Variants in SYNE1 observed in about 807,000 individuals in gnomAD.
The protein encoded by SYNE1 is nesprin-1.
SYNE1 carries 616 observed loss-of-function variants against 1,111.0 expected under a neutral mutation model. The ratio of observed to expected loss-of-function variants is 0.55; its 90% CI spans 0.52 to 0.59. The LOEUF is 0.59. Ranked by LOEUF, SYNE1 falls within the 20% of genes least tolerant of loss-of-function variation. The pLI, the probability that SYNE1 is intolerant of heterozygous loss-of-function variation, is 0.00. For missense variants in SYNE1, 10,006 were observed against 10,417.0 expected, an observed-to-expected ratio of 0.96 and a Z score of 1.72; for synonymous variants, 3,855 against 3,825.8, an observed-to-expected ratio of 1.01 and a Z score of -0.28.
chr6:152,612,987 G>A (rs1372023094), intron 3 of SYNE1, among the ~76,000 whole-genome samples: 3 of 152,092 alleles, frequency 2.0e-5, no homozygotes, highest in South Asian at 4.1e-4. Context: ...AGGTATTGAG[G>A]GAACATATCT....
chr6:152,232,037 C>A (rs1166589151), intron 113 of SYNE1, 79 bp downstream of exon 113: 1 of 1,102,202 alleles, frequency 9.1e-7, no homozygotes, highest in African/African-American at 1.6e-5. Context: ...GACTTGATTA[C>A]CATAATTTGA....
chr6:152,271,914 T>TGAA (rs1589133197), intron 98 of SYNE1, among the ~76,000 whole-genome samples: 1 of 152,334 alleles, frequency 6.6e-6, no homozygotes, highest in East Asian at 1.9e-4. Context: ...GAGCCCGGCC[T>TGAA]GAAGACTCCC....
chr6:152,342,550 C>T (rs1284878837), intron 74 of SYNE1, among the ~76,000 whole-genome samples: 1 of 152,086 alleles, frequency 6.6e-6, no homozygotes, highest in Non-Finnish European at 1.5e-5. Context: ...AAGTATACTT[C>T]GGGGGACAAA....
rs980063942 is a variant in SYNE1 at position 152,189,706 on chromosome 6, T to G, written c.23146-299A>C. 1.4e-4 allele frequency among the ~76,000 whole-genome samples: 21 copies of G among 152,338 alleles called. 1 individual carries two copies. Among genetic ancestry groups the G allele is most frequent in the African/African-American group, 5.1e-4 (21 of 41,582 alleles). On this transcript the variant is annotated intron_variant, in intron 127 of 145. Transcript: ENST00000367255. ...AATAGCATATGTCTAAAAAAACCAA[T>G]GTACATACCTTAATTTAAAAATACT...
chr6:152,270,283 T>C (rs2093093826), intron 98 of SYNE1, among the ~76,000 whole-genome samples: 1 of 152,200 alleles, frequency 6.6e-6, no homozygotes, highest in East Asian at 1.9e-4. Context: ...AAAAAAGTCA[T>C]TTACTGTGGG....
chr6:152,590,594 T>C lies in SYNE1; in HGVS notation c.67+37671A>G, dbSNP rs566263565. 7.4e-4 allele frequency among the ~76,000 whole-genome samples: 112 copies of C among 152,280 alleles called. 1 individual carries two copies. Among genetic ancestry groups the C allele is most frequent in the Non-Finnish European group, 2.5e-4 (17 of 68,020 alleles). ...TTTCTTGTTGCCAAGTGCAAAATAA[T>C]AGTCTTATCTTTGTGGGTGTGGTTC... On this transcript the variant is annotated intron_variant, in intron 3 of 145. Transcript: ENST00000367255.
intron 104 of SYNE1, among the ~76,000 whole-genome samples, chr6:152,254,621 C>T (rs2153617820): frequency 6.6e-6 from 1 of 152,216 alleles, no homozygotes; most frequent in Admixed American, 6.5e-5. Flanking sequence ...TTATAATGAT[C>T]CATAAATTTG....
chr6:152,369,582 T>G lies in SYNE1; in HGVS notation c.9540A>C (p.Val3180=). 1 of 1,614,200 alleles carries G rather than the reference T, an allele frequency of 6.2e-7. No homozygotes were observed. The highest frequency in any genetic ancestry group is 8.5e-7 in the Non-Finnish European group (1 of 1,180,030). ...GCCAGTCCTGGATAGGCTCAGCACT[T>G]ACTTCAAAGTCCTTCATTTGGATCT... is the stretch of plus-strand genomic sequence containing the variant. The part of the protein sequence containing the change: ...NLKIQMKDFE[V]SAEPIQDWLS... Residue 3180 remains valine (V), a synonymous_variant, in exon 60 of 146, where the codon GTA becomes GTC. Coordinates refer to ENST00000367255, the MANE Select transcript of SYNE1 (RefSeq NM_182961.4).
intron 10 of SYNE1, among the ~76,000 whole-genome samples, chr6:152,500,169 G>A (rs1349005249): frequency 6.6e-6 from 1 of 152,180 alleles, no homozygotes; most frequent in Non-Finnish European, 1.5e-5. Context: ...AAAACCAGAT[G>A]GAAGTTTGGA....
chr6:152,373,278 T>G, intron 58 of SYNE1, 59 bp from the exon 59 acceptor site: 1 of 1,505,076 alleles, frequency 6.6e-7, no homozygotes. Flanking sequence ...TTTCTATTTT[T>G]TCTTTTCTTT....
chr6:152,498,218 T>C (rs76997330), intron 11 of SYNE1, among the ~76,000 whole-genome samples: 3 of 152,184 alleles, frequency 2.0e-5, no homozygotes, highest in South Asian at 4.1e-4. Context: ...CAGGAATTCA[T>C]AACCATTCAT....
At chr6:152,596,063 A>G (rs971984460) in intron 3 of SYNE1, among the ~76,000 whole-genome samples, 13 of 137,876 alleles carry the variant, frequency 9.4e-5, no homozygotes, top group Non-Finnish European at 1.4e-4. Context: ...TTGCACTTCT[A>G]TCCCAAAAGA....
At chr6:152,371,010 T>C (rs1373958103) in intron 59 of SYNE1, among the ~76,000 whole-genome samples, 1 of 152,192 alleles carries the variant, frequency 6.6e-6, no homozygotes, top group Non-Finnish European at 1.5e-5. Flanking sequence ...GGTTCTGTTT[T>C]ATTCTCTGCT....
chr6:152,275,282 T>TA (rs199763849), intron 98 of SYNE1, among the ~76,000 whole-genome samples: 128 of 146,520 alleles, frequency 8.7e-4, no homozygotes, highest in South Asian at 5.4e-3. Flanking sequence ...ATCCTAAGAT[T>TA]AAAAAAAAAA....
At chr6:152,261,117 C>T (rs980593652) in intron 101 of SYNE1, among the ~76,000 whole-genome samples, 1 of 152,202 alleles carries the variant, frequency 6.6e-6, no homozygotes, top group African/African-American at 2.4e-5. Flanking sequence ...CCTCTCCCAG[C>T]CCCTAAGCTA....
intron 3 of SYNE1, among the ~76,000 whole-genome samples, chr6:152,554,807 A>G (rs1366092821): frequency 2.0e-5 from 3 of 152,194 alleles, no homozygotes; most frequent in Admixed American, 2.0e-4. Context: ...GAGCCTACAC[A>G]AATAAAAAAC....
At chr6:152,176,300 C>T in intron 130 of SYNE1, 94 bp downstream of exon 130, 1 of 1,551,244 alleles carries the variant, frequency 6.4e-7, no homozygotes, top group Non-Finnish European at 8.9e-7. Context: ...GGAAGAGAGA[C>T]TGATTTATTG....
Position 152,462,846 on chromosome 6 carries a change from T to C in SYNE1, c.2142A>G (p.Thr714=). ...DEMDRMKKEY[T]DCVVTLSAFA... The stretch of plus-strand genomic sequence containing the variant: ...AAGCAGACAGGGTAACAACACAGTC[T>C]GTGTATTCCTTCTTCATTCTGTCCA... Residue 714 remains threonine (T), a synonymous_variant, in exon 20 of 146, where the codon ACA becomes ACG. Coordinates refer to ENST00000367255, the MANE Select transcript of SYNE1 (RefSeq NM_182961.4). 1 of 1,614,034 alleles carries C rather than the reference T, an allele frequency of 6.2e-7. No homozygotes were observed. Among genetic ancestry groups the C allele is most frequent in the Non-Finnish European group, 8.5e-7 (1 of 1,179,954 alleles).
chr6:152,167,512 A>T (rs1199077138), intron 130 of SYNE1, among the ~76,000 whole-genome samples: 1 of 152,250 alleles, frequency 6.6e-6, no homozygotes. Context: ...ATCATGAACT[A>T]AACATTTGCA....
Sources: gnomAD v4.1 joint callset for allele counts (sites outside exome capture counted in the v4.1 genomes callset) on GRCh38, gnomAD v4.1.1 for gene constraint, MANE v1.5 for transcripts, NCBI Gene and HGNC (gene_info 2026-07-23, HGNC 2026-07-21) for gene names.